CFAP20DC: variants seen among roughly 807,000 people sequenced by gnomAD.
CFAP20DC encodes the protein protein CFAP20DC.
Under a neutral mutation model 101.7 loss-of-function variants are expected in CFAP20DC, and 84 were observed. The ratio of observed to expected loss-of-function variants is 0.83; its 90% CI spans 0.69 to 0.99. The LOEUF (loss-of-function observed/expected upper bound fraction) is 0.99. Ranked by LOEUF, CFAP20DC falls within the 50% of genes least tolerant of loss-of-function variation. The pLI, the probability that CFAP20DC is intolerant of heterozygous loss-of-function variation, is 0.00. For missense variants in CFAP20DC, 1,007 were observed against 970.3 expected, an observed-to-expected ratio of 1.04 and a Z score of -0.50; for synonymous variants, 359 against 351.2, an observed-to-expected ratio of 1.02 and a Z score of -0.25.
At position 58,998,294 on chromosome 3, in the gene CFAP20DC, T is replaced by G. The variant is rs188025795; in HGVS notation, c.278+41263A>C. Among the ~76,000 whole-genome samples, 12 of 152,338 alleles carry G rather than the reference T, an allele frequency of 7.9e-5. No individual in the cohort carries two copies. In the East Asian group the frequency reaches 2.3e-3, roughly 29 times the overall value. ...TGAAGTCTCATAGGTCTGTTTTAAA[T>G]GCCCATTTTGTTCCTTGCAAACTGT... is the stretch of plus-strand genomic sequence containing the variant. On this transcript the variant is annotated intron_variant, in intron 4 of 16. Coordinates refer to ENST00000482387, the MANE Select transcript of CFAP20DC (RefSeq NM_001394063.1).
At chr3:58,851,271 GC>G (rs910131459) in intron 12 of CFAP20DC, among the ~76,000 whole-genome samples, 2 of 152,138 alleles carry the variant, frequency 1.3e-5, no homozygotes, top group African/African-American at 4.8e-5. Flanking sequence ...GTCTGGGTTG[GC>G]TTGTGGAGAC....
At chr3:58,851,983 T>C (rs1006065911) in intron 12 of CFAP20DC, among the ~76,000 whole-genome samples, 2 of 152,204 alleles carry the variant, frequency 1.3e-5, no homozygotes, top group Admixed American at 6.5e-5. Flanking sequence ...ACCACTCTTA[T>C]AATAAGCAGA....
At chr3:58,992,221 G>A (rs1576623807) in intron 4 of CFAP20DC, among the ~76,000 whole-genome samples, 1 of 152,156 alleles carries the variant, frequency 6.6e-6, no homozygotes, top group Admixed American at 6.5e-5. Flanking sequence ...AATTTACCCA[G>A]TGCGATTCTA....
intron 3 of CFAP20DC, among the ~76,000 whole-genome samples, chr3:58,720,504 T>G (rs2067456817): frequency 6.6e-6 from 1 of 152,200 alleles, no homozygotes; most frequent in Admixed American, 6.5e-5. Context: ...TATTAACTGC[T>G]CTGACTTTTA....
intron 15 of CFAP20DC, among the ~76,000 whole-genome samples, chr3:58,783,946 C>G (rs1210590514): frequency 6.6e-6 from 1 of 151,890 alleles, no homozygotes; most frequent in African/African-American, 2.4e-5. Flanking sequence ...ATGAATGATC[C>G]CATTATGCAG....
chr3:58,865,949 C>T (rs898785852), intron 11 of CFAP20DC, among the ~76,000 whole-genome samples: 6 of 151,986 alleles, frequency 3.9e-5, no homozygotes, highest in African/African-American at 1.5e-4. Flanking sequence ...GGTGTGTTTT[C>T]TTAGAAAAAT....
chr3:59,032,969 G>A (rs1001175671), intron 4 of CFAP20DC, among the ~76,000 whole-genome samples: 3 of 152,112 alleles, frequency 2.0e-5, no homozygotes, highest in African/African-American at 7.2e-5. Context: ...CATCTGGCAG[G>A]TGTGCCTCTG....
intron 4 of CFAP20DC, among the ~76,000 whole-genome samples, chr3:59,027,127 T>C (rs2093907616): frequency 1.3e-5 from 2 of 152,206 alleles, no homozygotes; most frequent in Non-Finnish European, 1.5e-5. Context: ...AACTCTGGAA[T>C]GAGCATCATA....
intron 4 of CFAP20DC, among the ~76,000 whole-genome samples, chr3:59,025,432 G>C (rs952743705): frequency 6.6e-6 from 1 of 152,026 alleles, no homozygotes; most frequent in Non-Finnish European, 1.5e-5. Context: ...AATTTGTCTC[G>C]AAATGTTTCA....
intron 4 of CFAP20DC, among the ~76,000 whole-genome samples, chr3:59,005,898 T>C (rs375909435): frequency 2.6e-5 from 4 of 152,264 alleles, no homozygotes; most frequent in Non-Finnish European, 4.4e-5. Flanking sequence ...CCTAGATACA[T>C]AGAATTAGAT....
intron 12 of CFAP20DC, among the ~76,000 whole-genome samples, chr3:58,854,667 T>A (rs1204157242): frequency 1.3e-5 from 2 of 151,888 alleles, no homozygotes; most frequent in African/African-American, 4.8e-5. Context: ...AATAGAGCCC[T>A]CAGAAATAAT....
chr3:59,046,579 G>C (rs1299051869), intron 2 of CFAP20DC, among the ~76,000 whole-genome samples: 1 of 152,026 alleles, frequency 6.6e-6, no homozygotes. Context: ...TTCTGGGCTG[G>C]AGAGAAAAGG....
intron 4 of CFAP20DC, among the ~76,000 whole-genome samples, chr3:58,963,604 A>G (rs1340363244): frequency 6.6e-6 from 1 of 152,184 alleles, no homozygotes. Flanking sequence ...AAGCCTCAAA[A>G]TAAGAACCAC....
At chr3:58,806,529 C>A in intron 14 of CFAP20DC, 73 bp from the exon 15 acceptor site, 5 of 1,048,766 alleles carry the variant, frequency 4.8e-6, no homozygotes, top group Non-Finnish European at 4.5e-6. Flanking sequence ...CATGCACTCT[C>A]ATTACTGTAA....
chr3:58,980,154 C>T (rs979067800), intron 4 of CFAP20DC, among the ~76,000 whole-genome samples: 17 of 152,174 alleles, frequency 1.1e-4, no homozygotes, highest in African/African-American at 4.1e-4. Flanking sequence ...ATGCCATTGG[C>T]TTCCCACTAC....
intron 14 of CFAP20DC, among the ~76,000 whole-genome samples, chr3:58,828,641 C>A (rs1000737648): frequency 6.6e-6 from 1 of 151,882 alleles, no homozygotes; most frequent in South Asian, 2.1e-4. Flanking sequence ...AAACTGGGGA[C>A]TGCTAAAGGA....
rs1222103380 is a variant in CFAP20DC, at chr3:59,039,541, G to A, written c.278+16C>T. 1 of 1,445,516 alleles carries A rather than the reference G, an allele frequency of 6.9e-7. No homozygotes were observed. Among genetic ancestry groups the A allele is most frequent in the Admixed American group, 2.0e-5 (1 of 48,902 alleles). The allele number at this position is 1,445,516 out of a possible 1,614,324, so 89.5% of individuals were successfully genotyped here. ...TAATACACACAAAACATTCAAAGAA[G>A]TTCTGTATATCTTACAGCAATTCAG... is the stretch of plus-strand genomic sequence containing the variant. On this transcript the variant is annotated intron_variant, in intron 4 of 16. Coordinates refer to ENST00000482387, the MANE Select transcript of CFAP20DC (RefSeq NM_001394063.1).
chr3:58,925,311 C>A (rs1184211459), intron 5 of CFAP20DC, among the ~76,000 whole-genome samples: 1 of 152,192 alleles, frequency 6.6e-6, no homozygotes, highest in Non-Finnish European at 1.5e-5. Flanking sequence ...TCATCCCCAA[C>A]ATGGCTAGGA....
At chr3:58,889,654 C>G (rs9833431) in intron 6 of CFAP20DC, among the ~76,000 whole-genome samples, 2,038 of 142,420 alleles carry the variant, frequency 0.014, 58 homozygotes, top group African/African-American at 0.051. Context: ...AGCAGATAAA[C>G]AAGTGAACAA....
Sources: allele counts gnomAD v4.1 joint callset (sites outside exome capture counted in the v4.1 genomes callset), GRCh38; gene constraint gnomAD v4.1.1; transcripts MANE v1.5; gene names NCBI Gene and HGNC (gene_info 2026-07-23, HGNC 2026-07-21).